Variants in DLG1 observed in about 807,000 individuals in gnomAD.
DLG1 encodes the protein disks large homolog 1.
DLG1 carries 42 observed loss-of-function variants against 123.4 expected under a neutral mutation model. The observed-to-expected ratio is 0.34, with a 90% CI of 0.27 to 0.44. The LOEUF (loss-of-function observed/expected upper bound fraction) is 0.44. Among genes scored for constraint, DLG1 ranks in the 20% least tolerant of loss-of-function variants. DLG1 has a pLI of 1.00. For missense variants in DLG1, 942 were observed against 1,082.6 expected, an observed-to-expected ratio of 0.87 and a Z score of 1.82; for synonymous variants, 317 against 356.2, an observed-to-expected ratio of 0.89 and a Z score of 1.24.
At chr3:197,294,596 T>C (rs1321263874) in intron 3 of DLG1, among the ~76,000 whole-genome samples, 1 of 148,698 alleles carries the variant, frequency 6.7e-6, no homozygotes, top group Non-Finnish European at 1.5e-5. Flanking sequence ...AGGCGGAGCT[T>C]GCAGTGAGCG....
At chr3:197,067,950 T>C (rs1740900573) in intron 19 of DLG1, among the ~76,000 whole-genome samples, 2 of 152,186 alleles carry the variant, frequency 1.3e-5, no homozygotes, top group South Asian at 2.1e-4. Flanking sequence ...AGTGGTTCAA[T>C]GAAAGCAATC....
chr3:197,289,367 C>CACACACACAA (rs3219866), intron 3 of DLG1, among the ~76,000 whole-genome samples: 1 of 151,832 alleles, frequency 6.6e-6, no homozygotes. Flanking sequence ...CACACACACA[C>CACACACACAA]AAATAACATT....
chr3:197,121,838 A>AC (rs1293939851), intron 11 of DLG1, among the ~76,000 whole-genome samples: 39 of 151,570 alleles, frequency 2.6e-4, no homozygotes, highest in African/African-American at 8.0e-4. Flanking sequence ...AAAAAAAAAA[A>AC]AAAAAATCAA....
chr3:197,124,507 C>T (rs1426505134), intron 11 of DLG1, among the ~76,000 whole-genome samples: 2 of 152,046 alleles, frequency 1.3e-5, no homozygotes, highest in African/African-American at 4.8e-5. Flanking sequence ...ATCTGCTGAC[C>T]TCATGCTCCG....
In DLG1 at chr3:197,165,960, T is replaced by C. The variant is rs1435847646; in HGVS notation, c.484-16164A>G. On this transcript the variant is annotated intron_variant, in intron 5 of 24. Coordinates refer to ENST00000667157, the MANE Select transcript of DLG1 (RefSeq NM_001366207.1). The stretch of plus-strand genomic sequence containing the variant: ...ACCTTGGTGCAGATGACCTCCTGAA[T>C]AGGAAAGTGCATGTTGCTGAAGCTC... Among the ~76,000 whole-genome samples the C allele has an allele frequency of 2.6e-5, 4 of 152,226 alleles. No homozygotes were observed. In the East Asian group the frequency reaches 7.7e-4, roughly 29 times the overall value.
At chr3:197,227,450 G>A (rs1275002830) in intron 4 of DLG1, among the ~76,000 whole-genome samples, 2 of 151,796 alleles carry the variant, frequency 1.3e-5, no homozygotes, top group African/African-American at 4.8e-5. Context: ...ACTCCAGCCT[G>A]GGCGACAGAG....
intron 22 of DLG1, among the ~76,000 whole-genome samples, chr3:197,062,133 A>G (rs1421276044): frequency 6.6e-6 from 1 of 152,208 alleles, no homozygotes; most frequent in African/African-American, 2.4e-5. Flanking sequence ...TAAACCCATC[A>G]CAAGTTGAAA....
At chr3:197,190,777 G>A (rs940170380) in intron 5 of DLG1, among the ~76,000 whole-genome samples, 2 of 152,192 alleles carry the variant, frequency 1.3e-5, no homozygotes. Flanking sequence ...GTGGGAGGCC[G>A]AGGCGGGCGG....
intron 1 of DLG1, chr3:197,298,042 G>A: frequency 1.9e-6 from 1 of 537,040 alleles, no homozygotes; most frequent in Non-Finnish European, 2.4e-6. Context: ...TCGCCCAGTT[G>A]CTGCCGCACG....
intron 5 of DLG1, among the ~76,000 whole-genome samples, chr3:197,183,328 T>C (rs1277677017): frequency 6.6e-6 from 1 of 152,182 alleles, no homozygotes; most frequent in Non-Finnish European, 1.5e-5. Flanking sequence ...TGGGCTTATA[T>C]TTTTAGAAAA....
At chr3:197,289,079 G>A (rs1375619389) in intron 3 of DLG1, among the ~76,000 whole-genome samples, 1 of 152,114 alleles carries the variant, frequency 6.6e-6, no homozygotes, top group Non-Finnish European at 1.5e-5. Flanking sequence ...TTTAGTACAA[G>A]AAGTCAAACA....
chr3:197,052,618 G>T (rs1423472316), intron 23 of DLG1, among the ~76,000 whole-genome samples: 1 of 152,138 alleles, frequency 6.6e-6, no homozygotes, highest in African/African-American at 2.4e-5. Context: ...TGATACTTTT[G>T]ACTTTGATGA....
At chr3:197,190,446 A>C (rs1487658067) in intron 5 of DLG1, among the ~76,000 whole-genome samples, 3 of 152,120 alleles carry the variant, frequency 2.0e-5, no homozygotes, top group African/African-American at 7.2e-5. Flanking sequence ...TGCATCCTAC[A>C]AATACTTTTA....
intron 4 of DLG1, among the ~76,000 whole-genome samples, chr3:197,203,772 G>A (rs1727081376): frequency 1.3e-5 from 2 of 152,142 alleles, no homozygotes; most frequent in South Asian, 2.1e-4. Flanking sequence ...AAAATAAATG[G>A]CCTCTGTCAG....
intron 4 of DLG1, among the ~76,000 whole-genome samples, chr3:197,229,270 A>G (rs1406077032): frequency 2.0e-5 from 3 of 151,980 alleles, no homozygotes; most frequent in Non-Finnish European, 2.9e-5. Flanking sequence ...AAGTGGGAGG[A>G]TTACTTGAGG....
At chr3:197,276,619 T>C (rs951713427) in intron 4 of DLG1, among the ~76,000 whole-genome samples, 2 of 152,188 alleles carry the variant, frequency 1.3e-5, no homozygotes, top group Non-Finnish European at 2.9e-5. Flanking sequence ...TCTTAGTTTC[T>C]ATAAGAAGTT....
At chr3:197,268,887 T>C (rs1260726231) in intron 4 of DLG1, among the ~76,000 whole-genome samples, 3 of 147,614 alleles carry the variant, frequency 2.0e-5, no homozygotes, top group Non-Finnish European at 4.5e-5. Flanking sequence ...CACTTTTAAA[T>C]ACTGTTAAAA....
chr3:197,085,804 T>C, intron 15 of DLG1, 48 bp from the exon 16 acceptor site: 1 of 1,540,518 alleles, frequency 6.5e-7, no homozygotes, highest in Non-Finnish European at 8.9e-7. Context: ...ATAATATTAA[T>C]CAACATATCA....
intron 4 of DLG1, among the ~76,000 whole-genome samples, chr3:197,242,605 GAAT>G (rs1749514730): frequency 6.6e-6 from 1 of 150,426 alleles, no homozygotes; most frequent in South Asian, 2.1e-4. Context: ...ACCACAAAAA[GAAT>G]AAAAATACAT....
Sources: allele counts gnomAD v4.1 joint callset (sites outside exome capture counted in the v4.1 genomes callset), GRCh38; gene constraint gnomAD v4.1.1; transcripts MANE v1.5; gene names NCBI Gene and HGNC (gene_info 2026-07-23, HGNC 2026-07-21).